EVA1A: variants seen among roughly 807,000 people sequenced by gnomAD.
The protein encoded by EVA1A is protein eva-1 homolog A.
A neutral mutation model predicts 9.8 loss-of-function variants in EVA1A; 7 were observed. The observed-to-expected ratio is 0.71, with a 90% confidence interval of 0.41 to 1.34. The LOEUF (loss-of-function observed/expected upper bound fraction) is 1.34. EVA1A is among the 40% of genes most tolerant of loss of function. The probability of loss-of-function intolerance (pLI) is 0.01; values close to 1 mark genes in which losing one functional copy is unlikely to be tolerated. For synonymous variants in EVA1A, 90 were observed against 85.6 expected (o/e 1.05, Z -0.28); for missense variants, 206 against 205.9 (o/e 1.00, Z 0.00).
At chr2:75,530,504 A>G (rs1675608334) in intron 1 of EVA1A, among the ~76,000 whole-genome samples, 1 of 152,204 alleles carries the variant, frequency 6.6e-6, no homozygotes, top group Non-Finnish European at 1.5e-5. Context: ...AACCCTCAAC[A>G]AAATACTAGC....
At chr2:75,536,824 CAA>C (rs145872980) in intron 1 of EVA1A, among the ~76,000 whole-genome samples, 21 of 149,392 alleles carry the variant, frequency 1.4e-4, no homozygotes, top group African/African-American at 4.7e-4. Context: ...CCCCCCGCTC[CAA>C]AAAAAAACAA....
At chr2:75,566,077 G>A (rs1223090138) in intron 1 of EVA1A, among the ~76,000 whole-genome samples, 2 of 152,010 alleles carry the variant, frequency 1.3e-5, no homozygotes, top group Non-Finnish European at 2.9e-5. Flanking sequence ...TAAGGTCCAC[G>A]GATAGTCATT....
chr2:75,503,316 G>T (rs1674496485), intron 3 of EVA1A, among the ~76,000 whole-genome samples: 1 of 152,306 alleles, frequency 6.6e-6, no homozygotes, highest in Admixed American at 6.5e-5. Context: ...CCCTGGTCTT[G>T]ACCAGATCCA....
chr2:75,503,247 G>A (rs1674493040), intron 3 of EVA1A, among the ~76,000 whole-genome samples: 1 of 152,154 alleles, frequency 6.6e-6, no homozygotes, highest in Non-Finnish European at 1.5e-5. Context: ...CAAGGTGATT[G>A]TTTTTTCTCT....
chr2:75,503,572 T>C (rs1674508170), intron 3 of EVA1A, among the ~76,000 whole-genome samples: 1 of 152,194 alleles, frequency 6.6e-6, no homozygotes, highest in Admixed American at 6.5e-5. Flanking sequence ...GGCCAGCTGG[T>C]CTCCATGCAA....
intron 3 of EVA1A, among the ~76,000 whole-genome samples, chr2:75,513,425 C>T (rs187516844): frequency 5.9e-5 from 9 of 152,282 alleles, no homozygotes; most frequent in Admixed American, 5.9e-4. Context: ...ATATCTTCCT[C>T]CTTGCCCGAT....
chr2:75,555,336 T>TCTCCCC (rs766586263), intron 1 of EVA1A, among the ~76,000 whole-genome samples: 2 of 102,838 alleles, frequency 1.9e-5, no homozygotes, highest in Admixed American at 1.3e-4. Context: ...TCTCTCTCTC[T>TCTCCCC]CCCCCATCTC....
intron 3 of EVA1A, among the ~76,000 whole-genome samples, chr2:75,501,011 C>T (rs1674398014): frequency 1.3e-5 from 2 of 150,624 alleles, no homozygotes; most frequent in Non-Finnish European, 2.9e-5. Context: ...TATTATTTAC[C>T]TTATTACTTT....
At chr2:75,535,027 T>C (rs1675825281) in intron 1 of EVA1A, among the ~76,000 whole-genome samples, 1 of 152,162 alleles carries the variant, frequency 6.6e-6, no homozygotes, top group Admixed American at 6.5e-5. Flanking sequence ...GTTTATGTTT[T>C]TGTGTGCCTT....
intron 1 of EVA1A, among the ~76,000 whole-genome samples, chr2:75,566,047 C>G (rs1677021147): frequency 6.6e-6 from 1 of 152,102 alleles, no homozygotes; most frequent in Non-Finnish European, 1.5e-5. Context: ...CATTTCCTGG[C>G]AAAGTAATGG....
intron 3 of EVA1A, among the ~76,000 whole-genome samples, chr2:75,496,205 A>T (rs1202692761): frequency 6.6e-6 from 1 of 152,202 alleles, no homozygotes; most frequent in African/African-American, 2.4e-5. Context: ...AAGAGAAAAA[A>T]AACAAAAGGC....
chr2:75,504,148 A>G (rs1446413857), intron 3 of EVA1A, among the ~76,000 whole-genome samples: 1 of 152,156 alleles, frequency 6.6e-6, no homozygotes, highest in Non-Finnish European at 1.5e-5. Flanking sequence ...ACGGTGGCTC[A>G]TGCCTGTAAA....
intron 2 of EVA1A, among the ~76,000 whole-genome samples, chr2:75,520,889 A>G (rs1229475546): frequency 6.6e-6 from 1 of 152,230 alleles, no homozygotes; most frequent in African/African-American, 2.4e-5. Context: ...ACAGGGCACA[A>G]CAGAGTAAAA....
chr2:75,545,507 C>G (rs1030322860), intron 1 of EVA1A, among the ~76,000 whole-genome samples: 3 of 152,066 alleles, frequency 2.0e-5, no homozygotes, highest in Non-Finnish European at 2.9e-5. Flanking sequence ...CTTTGGGTAG[C>G]CAAGTGTAGC....
chr2:75,532,237 T>TA (rs1211836178), intron 1 of EVA1A, among the ~76,000 whole-genome samples: 1 of 121,166 alleles, frequency 8.3e-6, no homozygotes, highest in Non-Finnish European at 1.8e-5. Context: ...ACGATTGAAA[T>TA]AAAAAACATT....
chr2:75,517,936 A>G, intron 3 of EVA1A, 120 bp downstream of exon 3: 1 of 1,119,962 alleles, frequency 8.9e-7, no homozygotes. Context: ...AAAGCAGAGC[A>G]GTAGCTTTGA....
At chr2:75,527,346 C>T (rs1021209242) in intron 1 of EVA1A, among the ~76,000 whole-genome samples, 1 of 152,134 alleles carries the variant, frequency 6.6e-6, no homozygotes, top group African/African-American at 2.4e-5. Flanking sequence ...AGCTACCTTC[C>T]CTGGCAATAT....
intron 3 of EVA1A, among the ~76,000 whole-genome samples, chr2:75,500,571 A>G (rs1362393631): frequency 6.6e-6 from 1 of 152,234 alleles, no homozygotes; most frequent in Non-Finnish European, 1.5e-5. Flanking sequence ...TTTAAGAGAT[A>G]CATTTCCTGT....
intron 2 of EVA1A, among the ~76,000 whole-genome samples, chr2:75,519,747 G>T (rs1675170246): frequency 6.6e-6 from 1 of 152,178 alleles, no homozygotes; most frequent in Non-Finnish European, 1.5e-5. Context: ...CAAGACCCAG[G>T]AAAAGAGTGA....
Sources: gnomAD v4.1 joint callset for allele counts (sites outside exome capture counted in the v4.1 genomes callset) on GRCh38, gnomAD v4.1.1 for gene constraint, MANE v1.5 for transcripts, NCBI Gene and HGNC (gene_info 2026-07-23, HGNC 2026-07-21) for gene names.